CD99: variants seen among roughly 807,000 people sequenced by gnomAD.
The protein encoded by CD99 is CD99 molecule (Xg blood group).
Under a neutral mutation model 28.4 loss-of-function variants are expected in CD99, and 19 were observed. The ratio of observed to expected loss-of-function variants is 0.67; its 90% CI spans 0.47 to 0.98. The LOEUF (loss-of-function observed/expected upper bound fraction) is 0.98. Among genes scored for constraint, CD99 ranks in the 50% least tolerant of loss-of-function variants. The pLI, the probability that CD99 is intolerant of heterozygous loss-of-function variation, is 0.00. For missense variants in CD99, 283 were observed against 248.8 expected (o/e 1.14, Z -0.92); for synonymous variants, 103 against 92.1 (o/e 1.12, Z -0.67).
At chrX:2,725,083 A>G (rs2049205052) in intron 7 of CD99, among the ~76,000 whole-genome samples, 1 of 146,496 alleles carries the variant, frequency 6.8e-6, no homozygotes, top group Non-Finnish European at 1.5e-5. Flanking sequence ...AAAAAGAATT[A>G]TTGCTGGAAT....
intron 8 of CD99, 118 bp from the exon 9 acceptor site, chrX:2,738,082 C>A: frequency 1.1e-6 from 1 of 888,832 alleles, no homozygotes; most frequent in Non-Finnish European, 1.9e-6. Context: ...GAACTGAGTG[C>A]TCTCATCCAA....
chrX:2,725,566 T>G (rs1039457369), intron 7 of CD99, among the ~76,000 whole-genome samples: 2 of 152,224 alleles, frequency 1.3e-5, no homozygotes, highest in African/African-American at 4.8e-5. Context: ...CTTCTGCCCC[T>G]GCCTGGGCTC....
At chrX:2,707,118 C>T (rs2048157072) in intron 1 of CD99, among the ~76,000 whole-genome samples, 1 of 152,240 alleles carries the variant, frequency 6.6e-6, no homozygotes, top group East Asian at 1.9e-4. Context: ...TCACTTGATG[C>T]CCGGAGTTTG....
rs956893305 is a variant in CD99, at chrX:2,737,220, C to G, written c.476-980C>G. Among the ~76,000 whole-genome samples the G allele has an allele frequency of 4.6e-5, 7 of 152,254 alleles. No homozygotes were observed. The East Asian group carries it at 1.4e-3, about 29-fold the overall frequency. On this transcript the variant is annotated intron_variant, in intron 8 of 9. Coordinates refer to ENST00000381192, the MANE Select transcript of CD99 (RefSeq NM_002414.5). ...TTTGAGACAGTCTTGCTCTGTCACC[C>G]ACGCTGGAGTGCAGTGCCACGATCT...
intron 1 of CD99, among the ~76,000 whole-genome samples, chrX:2,693,518 T>C (rs1339857970): frequency 2.6e-5 from 4 of 152,120 alleles, no homozygotes; most frequent in Non-Finnish European, 4.4e-5. Flanking sequence ...CCTGTCCCAA[T>C]AATATTAATA....
At chrX:2,712,578 C>T (rs1269327851) in intron 1 of CD99, among the ~76,000 whole-genome samples, 1 of 152,006 alleles carries the variant, frequency 6.6e-6, no homozygotes, top group Admixed American at 6.6e-5. Flanking sequence ...AGATCTGCCG[C>T]ATGCTGCAGG....
chrX:2,720,382 A>T lies in CD99; in HGVS notation c.220A>T (p.Lys74Ter). Residue 74 changes from lysine to a stop codon, truncating the protein, a stop_gained, in exon 5 of 10, where the codon AAA (lysine) becomes TAA (stop). Transcript: ENST00000381192. LOFTEE classifies it high-confidence loss of function. ...NDDPRPPNPP[K>*]PMPNPNPNHP... ...CGACCCACGACCACCGAACCCACCC[A>T]AACCGATGCCAAATCCAAACCCCAA... 6.2e-7 allele frequency: 1 copy of T among 1,613,854 alleles called. No homozygotes were observed. Among genetic ancestry groups the T allele is most frequent in the Non-Finnish European group, 8.5e-7 (1 of 1,179,842 alleles).
At chrX:2,691,912 G>C (rs762321849) in intron 1 of CD99, 4 of 779,138 alleles carry the variant, frequency 5.1e-6, no homozygotes, top group South Asian at 1.3e-5. Flanking sequence ...GGTGGTGGGG[G>C]GAAGGGAAGG....
intron 1 of CD99, among the ~76,000 whole-genome samples, chrX:2,706,113 A>C (rs1305878189): frequency 1.3e-5 from 2 of 150,898 alleles, no homozygotes; most frequent in South Asian, 2.1e-4. Context: ...TCATCCCAGC[A>C]CTTTGGGAGG....
intron 1 of CD99, 51 bp downstream of exon 1, chrX:2,691,478 G>C (rs765532414): frequency 1.3e-6 from 2 of 1,540,774 alleles, no homozygotes; most frequent in African/African-American, 1.4e-5. Context: ...CGCGGGCCGG[G>C]ACTGGGGATC....
chrX:2,720,122 C>A (rs950795898), intron 4 of CD99, among the ~76,000 whole-genome samples: 26 of 152,162 alleles, frequency 1.7e-4, no homozygotes, highest in Non-Finnish European at 3.5e-4. Context: ...CCTAGAAATT[C>A]TGTAGCTGGT....
intron 8 of CD99, among the ~76,000 whole-genome samples, chrX:2,726,650 C>T (rs1317301269): frequency 6.6e-6 from 1 of 151,868 alleles, no homozygotes; most frequent in African/African-American, 2.4e-5. Context: ...GTACATATGC[C>T]GCGGAATTGT....
At chrX:2,737,156 A>G (rs1479344865) in intron 8 of CD99, among the ~76,000 whole-genome samples, 1 of 151,982 alleles carries the variant, frequency 6.6e-6, no homozygotes, top group Non-Finnish European at 1.5e-5. Context: ...TAATCTGCTG[A>G]GATTCTCTGT....
At position 2,691,370 on chromosome X, in the gene CD99, G is replaced by A; in HGVS notation, c.10G>A (p.Gly4Arg). The A allele has an allele frequency of 6.4e-7, 1 of 1,573,498 alleles. No individual in the cohort carries two copies. Among genetic ancestry groups the A allele is most frequent in the Non-Finnish European group, 8.5e-7 (1 of 1,169,930 alleles). Residue 4 changes from glycine to arginine, a missense_variant, in exon 1 of 10, where the codon GGG becomes AGG. Coordinates refer to ENST00000381192, the MANE Select transcript of CD99 (RefSeq NM_002414.5). ...GCGCTCTGGGCGCACCATGGCCCGCGGGGCTGCGCTGGCGCTGCTGCTCTT... is the reference window on the plus strand; with the variant it reads ...GCGCTCTGGGCGCACCATGGCCCGCAGGGCTGCGCTGGCGCTGCTGCTCTT... MAR[G>R]AALALLLFGL... is the part of the protein sequence containing the mutation.
chrX:2,694,506 C>T (rs1423611478), intron 1 of CD99, among the ~76,000 whole-genome samples: 1 of 83,674 alleles, frequency 1.2e-5, no homozygotes, highest in African/African-American at 4.8e-5. Context: ...AATCCCAGCA[C>T]TTTGAGAGGC....
intron 1 of CD99, among the ~76,000 whole-genome samples, chrX:2,693,818 G>A (rs2047445149): frequency 6.6e-6 from 1 of 152,166 alleles, no homozygotes; most frequent in Non-Finnish European, 1.5e-5. Flanking sequence ...CCCACAGGGC[G>A]ACGTTGGCCC....
rs2124181399 is a variant in CD99 at position 2,727,417 on chromosome X, TC to T, written c.475+1047del. 3 of 750,636 alleles carry T rather than the reference TC, an allele frequency of 4.0e-6. No individual in the cohort carries two copies. The East Asian group carries it at 7.5e-5, about 19-fold the overall frequency. The allele number at this position is 750,636 out of a possible 1,614,324, so 46.5% of individuals were successfully genotyped here. A position where few individuals can be genotyped will look rare whatever the true frequency, so the allele number is the denominator to read the frequency against. ...GGGCACTTACATTTAGCTCTTGCCT[TC>T]CCTCTTGCATGACCAAGCATTGTGG... On this transcript the variant is annotated intron_variant, in intron 8 of 9. Coordinates refer to ENST00000381192, the MANE Select transcript of CD99 (RefSeq NM_002414.5).
intron 1 of CD99, among the ~76,000 whole-genome samples, chrX:2,704,355 G>GTTACCTT (rs1206003533): frequency 6.6e-6 from 1 of 152,152 alleles, no homozygotes; most frequent in Non-Finnish European, 1.5e-5. Context: ...AAGCCGAGAT[G>GTTACCTT]TTACCTTGTA....
intron 5 of CD99, 34 bp downstream of exon 5, chrX:2,720,458 G>A (rs5939113): frequency 0.21 from 336,076 of 1,590,480 alleles, 38,138 homozygotes; most frequent in African/African-American, 0.39. Flanking sequence ...ATGTCTTCAT[G>A]TTGTTCAGAA....
Sources: gnomAD v4.1 joint callset for allele counts (sites outside exome capture counted in the v4.1 genomes callset) on GRCh38, gnomAD v4.1.1 for gene constraint, MANE v1.5 for transcripts, NCBI Gene and HGNC (gene_info 2026-07-23, HGNC 2026-07-21) for gene names.